Variants in RNF216 observed in about 807,000 individuals in gnomAD.
The protein encoded by RNF216 is ring finger protein 216, also known as E3 ubiquitin-protein ligase RNF216.
In RNF216, 72 loss-of-function variants were observed where a neutral mutation model predicts 110.8. That is an observed-to-expected ratio of 0.65 (90% CI 0.54 to 0.79). The LOEUF (loss-of-function observed/expected upper bound fraction) is 0.79. RNF216 is among the 30% of genes least tolerant of loss of function. RNF216 has a pLI of 0.00. For synonymous variants in RNF216, 495 were observed against 407.5 expected (o/e 1.21, Z -2.59); for missense variants, 1,342 against 1,141.2 (o/e 1.18, Z -2.54).
At chr7:5,772,748 A>C (rs1796561948) in intron 1 of RNF216, among the ~76,000 whole-genome samples, 1 of 151,428 alleles carries the variant, frequency 6.6e-6, no homozygotes, top group African/African-American at 2.4e-5. Context: ...AGAAATTTCT[A>C]GCATTGATAA....
chr7:5,739,530 A>G (rs778538425), intron 4 of RNF216, 178 bp from the exon 5 acceptor site: 13 of 696,432 alleles, frequency 1.9e-5, no homozygotes, highest in Admixed American at 1.9e-4. Flanking sequence ...GTCTACATAG[A>G]AGATGAGGTC....
At position 5,745,136 on chromosome 7, in the gene RNF216, C is replaced by T. The variant is rs548258122; in HGVS notation, c.202-3321G>A. Among the ~76,000 whole-genome samples the T allele has an allele frequency of 3.4e-4, 52 of 152,188 alleles. No homozygotes were observed. The South Asian group carries it at 0.01, about 30-fold the overall frequency. On this transcript the variant is annotated intron_variant, in intron 3 of 16. Coordinates refer to ENST00000389902, the MANE Select transcript of RNF216 (RefSeq NM_207111.4). ...AAACACTAATATTAGCAAATGGAAT[C>T]CCCAGCAGCACATTACTACTACATT...
chr7:5,715,077 T>C lies in RNF216; in HGVS notation c.1809A>G (p.Gln603=). 6.2e-7 allele frequency: 1 copy of C among 1,613,746 alleles called. No individual in the cohort carries two copies. Among genetic ancestry groups the C allele is most frequent in the East Asian group, 2.2e-5 (1 of 44,890 alleles). ...FCKECLIRYA[Q]EAVFGSGKLE... Reference sequence around the variant, plus strand: ...CCTTTCCAGATCCAAAGACTGCCTCTTGGGCATATCTGATGAGACACTCTT... The same window carrying C: ...CCTTTCCAGATCCAAAGACTGCCTCCTGGGCATATCTGATGAGACACTCTT... Residue 603 remains glutamine (Q), a synonymous_variant, in exon 11 of 17, where the codon CAA becomes CAG. Transcript: ENST00000389902.
chr7:5,770,001 G>C (rs1325443810), intron 1 of RNF216, among the ~76,000 whole-genome samples: 1 of 114,100 alleles, frequency 8.8e-6, no homozygotes, highest in East Asian at 2.3e-4. Context: ...ACTCCAACCT[G>C]GCTGACAGAG....
chr7:5,689,973 G>T (rs2128612393), intron 13 of RNF216, among the ~76,000 whole-genome samples: 1 of 151,460 alleles, frequency 6.6e-6, no homozygotes. Flanking sequence ...GAGAAGAGGA[G>T]GGCAGGTAAC....
chr7:5,691,256 G>C (rs934004837), intron 13 of RNF216, among the ~76,000 whole-genome samples: 3 of 152,170 alleles, frequency 2.0e-5, no homozygotes, highest in Non-Finnish European at 4.4e-5. Flanking sequence ...CTCGCCACTC[G>C]GGCCGACGGC....
intron 14 of RNF216, among the ~76,000 whole-genome samples, chr7:5,649,323 C>T (rs1788241136): frequency 6.6e-6 from 1 of 151,142 alleles, no homozygotes; most frequent in African/African-American, 2.4e-5. Flanking sequence ...ACCTGGGAGG[C>T]GGAGGTCGCA....
At position 5,712,791 on chromosome 7, in the gene RNF216, G is replaced by A. The variant is rs1216219008; in HGVS notation, c.1906C>T (p.Gln636Ter). The change falls in exon 12 of 17, where the codon CAG (glutamine) becomes TAG (stop). Residue 636 changes from glutamine to a stop codon, truncating the protein, a stop_gained. Transcript: ENST00000389902. LOFTEE classifies it high-confidence loss of function. The stretch of plus-strand genomic sequence containing the variant: ...TCATAGTACTTATACAGGATGGTCT[G>A]GGGGAGCACCTTCTCCAGCTCACTG... ...PTSELEKVLP[Q>*]TILYKYYERK... 6.2e-7 allele frequency: 1 copy of A among 1,613,912 alleles called. No homozygotes were observed. The highest frequency in any genetic ancestry group is 1.3e-5 in the African/African-American group (1 of 74,900).
At chr7:5,724,322 T>C (rs911055786) in intron 8 of RNF216, among the ~76,000 whole-genome samples, 1 of 152,178 alleles carries the variant, frequency 6.6e-6, no homozygotes, top group Non-Finnish European at 1.5e-5. Flanking sequence ...AGGAAGTACA[T>C]GCTGACAAAT....
At chr7:5,761,723 T>C (rs959139688) in intron 1 of RNF216, among the ~76,000 whole-genome samples, 3 of 151,706 alleles carry the variant, frequency 2.0e-5, no homozygotes, top group African/African-American at 7.3e-5. Flanking sequence ...GAGGCTGAAG[T>C]TGCAGTGAGC....
intron 9 of RNF216, 58 bp from the exon 10 acceptor site, chr7:5,716,824 A>G (rs1208113722): frequency 7.7e-7 from 1 of 1,298,424 alleles, no homozygotes; most frequent in Non-Finnish European, 1.1e-6. Context: ...GACACTAACC[A>G]TTTAGTATTT....
In RNF216 at chr7:5,721,063, G is replaced by C. The variant is rs1186411160; in HGVS notation, c.1614C>G (p.Phe538Leu). Residue 538 changes from phenylalanine (F) to leucine (L), a missense_variant, in exon 9 of 17, where the codon TTC becomes TTG. Coordinates refer to ENST00000389902, the MANE Select transcript of RNF216 (RefSeq NM_207111.4). ...LLPAVQQEQE[F>L]YEQKIKEMAE... is the part of the protein sequence containing the mutation. ...CCATCTCTTTGATTTTCTGCTCATA[G>C]AACTCCTGCTCTTGTTGCACAGCTG... 1.9e-6 allele frequency: 3 copies of C among 1,614,150 alleles called. No individual in the cohort carries two copies. Among genetic ancestry groups the C allele is most frequent in the Non-Finnish European group, 1.7e-6 (2 of 1,180,014 alleles).
intron 13 of RNF216, among the ~76,000 whole-genome samples, chr7:5,684,091 CTTCT>C (rs1790824675): frequency 7.8e-6 from 1 of 127,586 alleles, no homozygotes; most frequent in Non-Finnish European, 1.6e-5. Flanking sequence ...CAAGCTGGGC[CTTCT>C]TTTTTTTTTT....
intron 14 of RNF216, among the ~76,000 whole-genome samples, chr7:5,642,032 TAA>T (rs1201078083): frequency 3.0e-5 from 3 of 98,476 alleles, no homozygotes; most frequent in Admixed American, 1.1e-4. Flanking sequence ...GACTCTATCT[TAA>T]AAAAAAAAAA....
intron 14 of RNF216, among the ~76,000 whole-genome samples, chr7:5,651,893 A>G (rs1039550776): frequency 7.9e-5 from 12 of 152,004 alleles, no homozygotes; most frequent in African/African-American, 2.9e-4. Flanking sequence ...GTGATCCGCC[A>G]GCCTCGGCCT....
rs567695051 is a variant in RNF216 at position 5,770,965 on chromosome 7, G to A, written c.-69-9827C>T. 6.6e-5 allele frequency among the ~76,000 whole-genome samples: 10 copies of A among 152,110 alleles called. No homozygotes were observed. In the South Asian group the frequency reaches 1.2e-3, roughly 19 times the overall value. ...TGGAATTACAGGCATGCACCACCAC[G>A]CCCGGCTAATTTTTGTATTGTTAGT... On this transcript the variant is annotated intron_variant, in intron 1 of 16. Coordinates refer to ENST00000389902, the MANE Select transcript of RNF216 (RefSeq NM_207111.4).
intron 2 of RNF216, among the ~76,000 whole-genome samples, chr7:5,760,799 C>G (rs1046273616): frequency 1.3e-5 from 2 of 152,170 alleles, no homozygotes; most frequent in African/African-American, 4.8e-5. Flanking sequence ...CTTATTAATC[C>G]ATTTGTAATG....
chr7:5,690,850 A>G (rs1791289384), intron 13 of RNF216, among the ~76,000 whole-genome samples: 1 of 151,868 alleles, frequency 6.6e-6, no homozygotes, highest in Non-Finnish European at 1.5e-5. Context: ...CCAGCCTGAC[A>G]CTTAATAACA....
chr7:5,765,404 C>T lies in RNF216; in HGVS notation c.-69-4266G>A, dbSNP rs185934773. ...GCTTCAGCTTGGAAGGTGGAGGTTGCAGTGAGCTGAGATTGTGCCACTGCA... is the reference window on the plus strand; with the variant it reads ...GCTTCAGCTTGGAAGGTGGAGGTTGTAGTGAGCTGAGATTGTGCCACTGCA... On this transcript the variant is annotated intron_variant, in intron 1 of 16. Coordinates refer to ENST00000389902, the MANE Select transcript of RNF216 (RefSeq NM_207111.4). 3.9e-5 allele frequency among the ~76,000 whole-genome samples: 6 copies of T among 152,072 alleles called. No homozygotes were observed. The East Asian group carries it at 9.7e-4, about 25-fold the overall frequency.
Sources: gnomAD v4.1 joint callset for allele counts (sites outside exome capture counted in the v4.1 genomes callset) on GRCh38, gnomAD v4.1.1 for gene constraint, MANE v1.5 for transcripts, NCBI Gene and HGNC (gene_info 2026-07-23, HGNC 2026-07-21) for gene names.